The following MTOR variants were observed in gnomAD, a reference collection of about 807,000 sequenced individuals.
The protein encoded by MTOR is serine/threonine-protein kinase mTOR.
A neutral mutation model predicts 319.8 loss-of-function variants in MTOR; 70 were observed. That is an observed-to-expected ratio of 0.22 (90% confidence interval 0.18 to 0.27). The LOEUF (loss-of-function observed/expected upper bound fraction) is 0.27. Among genes scored for constraint, MTOR ranks in the 10% least tolerant of loss-of-function variants. The pLI, the probability that MTOR is intolerant of heterozygous loss-of-function variation, is 1.00. For synonymous variants in MTOR, 1,183 were observed against 1,211.4 expected (o/e 0.98, Z 0.49); for missense variants, 1,890 against 3,274.4 (o/e 0.58, Z 10.32).
intron 19 of MTOR, among the ~76,000 whole-genome samples, chr1:11,216,891 G>A (rs547847965): frequency 7.2e-5 from 11 of 152,252 alleles, no homozygotes; most frequent in South Asian, 6.2e-4. Flanking sequence ...GAACAGGGAC[G>A]TGAATACTAT....
At chr1:11,130,400 G>A in intron 39 of MTOR, 129 bp downstream of exon 39, 1 of 1,397,144 alleles carries the variant, frequency 7.2e-7, no homozygotes, top group Non-Finnish European at 9.7e-7. Context: ...TGGTAGATAG[G>A]CAGTATTTTC....
At chr1:11,165,367 CCTT>C (rs1458916864) in intron 29 of MTOR, among the ~76,000 whole-genome samples, 3 of 152,166 alleles carry the variant, frequency 2.0e-5, no homozygotes, top group Admixed American at 6.6e-5. Context: ...CCCAAAATCT[CCTT>C]AAGCTGATAA....
At position 11,122,078 on chromosome 1, in the gene MTOR, A is replaced by T. The variant is rs2100363069; in HGVS notation, c.6711T>A (p.Ile2237=). The change falls in exon 48 of 58, where the codon ATT becomes ATA. Residue 2237 remains isoleucine, a synonymous_variant. Coordinates refer to ENST00000361445, the MANE Select transcript of MTOR (RefSeq NM_004958.4). ...GTGTGTCACAGTGGGGAACCCAGCC[A>T]ATGAGGCCCGAGTTGGTCGATAAAG... ...VIPLSTNSGL[I]GWVPHCDTLH... is the part of the protein sequence containing the mutation. 6.2e-7 allele frequency: 1 copy of T among 1,614,240 alleles called. No individual in the cohort carries two copies. Among genetic ancestry groups the T allele is most frequent in the Non-Finnish European group, 8.5e-7 (1 of 1,180,046 alleles).
chr1:11,238,283 G>T, intron 12 of MTOR, 119 bp downstream of exon 12: 2 of 1,117,978 alleles, frequency 1.8e-6, no homozygotes, highest in East Asian at 2.4e-5. Context: ...CAGAGAAATA[G>T]CTGAATATCA....
intron 11 of MTOR, among the ~76,000 whole-genome samples, chr1:11,239,954 A>C (rs1647783497): frequency 6.6e-6 from 1 of 152,048 alleles, no homozygotes; most frequent in Non-Finnish European, 1.5e-5. Context: ...ATAGACATGG[A>C]AACACCCAAA....
At chr1:11,261,504 A>G (rs1651133939) in intron 1 of MTOR, among the ~76,000 whole-genome samples, 1 of 151,946 alleles carries the variant, frequency 6.6e-6, no homozygotes, top group African/African-American at 2.4e-5. Context: ...TTAGTTCCTG[A>G]GCTCATTCCC....
In MTOR at chr1:11,209,457, C is replaced by A. The variant is rs761452325; in HGVS notation, c.3656G>T (p.Gly1219Val). 1 of 1,614,078 alleles carries A rather than the reference C, an allele frequency of 6.2e-7. No homozygotes were observed. The highest frequency in any genetic ancestry group is 8.5e-7 in the Non-Finnish European group (1 of 1,180,002). The change falls in exon 25 of 58, where the codon GGA (glycine) becomes GTA (valine). Residue 1219 changes from glycine (G) to valine (V), a missense_variant and splice_region_variant. Around this residue, in one of 15 missense-constraint regions of MTOR, gnomAD observed 115 missense variants for 105.7 expected, o/e 1.09. Transcript: ENST00000361445. Reference protein sequence around the residue: ...YDVLICRIVKGYTLADEEEDP... With the variant: ...YDVLICRIVKVYTLADEEEDP... ...CTCCTCTTCATCAGCAAGTGTGTAT[C>A]CCTACAACCAAAGATTTATAGGAAA...
At chr1:11,198,606 G>C (rs866099654) in intron 28 of MTOR, among the ~76,000 whole-genome samples, 2 of 152,300 alleles carry the variant, frequency 1.3e-5, no homozygotes, top group South Asian at 2.1e-4. Flanking sequence ...GATATTCTCT[G>C]ATAATCATTA....
chr1:11,205,340 T>C (rs2100767630), intron 25 of MTOR, among the ~76,000 whole-genome samples: 1 of 152,332 alleles, frequency 6.6e-6, no homozygotes, highest in East Asian at 1.9e-4. Flanking sequence ...GGGCAACAGC[T>C]ACACTTGACT....
At chr1:11,210,737 T>C in intron 24 of MTOR, 77 bp downstream of exon 24, 2 of 1,164,766 alleles carry the variant, frequency 1.7e-6, no homozygotes, top group Non-Finnish European at 2.5e-6. Context: ...CTACACAAAC[T>C]CCCATAGCCA....
At chr1:11,166,149 G>A (rs1440159301) in intron 29 of MTOR, among the ~76,000 whole-genome samples, 1 of 152,188 alleles carries the variant, frequency 6.6e-6, no homozygotes, top group African/African-American at 2.4e-5. Context: ...AACCCTAGAA[G>A]AAAACCTAGG....
intron 26 of MTOR, among the ~76,000 whole-genome samples, chr1:11,202,946 C>T (rs1304293898): frequency 1.3e-5 from 2 of 151,866 alleles, no homozygotes; most frequent in Non-Finnish European, 2.9e-5. Flanking sequence ...GGCGTGGTGG[C>T]TCACGCCTGT....
At chr1:11,198,377 T>C (rs530269851) in intron 28 of MTOR, among the ~76,000 whole-genome samples, 1 of 152,340 alleles carries the variant, frequency 6.6e-6, no homozygotes, top group Non-Finnish European at 1.5e-5. Context: ...TTAAAGGAAC[T>C]CTTTTAAATA....
At chr1:11,111,959 A>AAAAC (rs3841793) in intron 54 of MTOR, among the ~76,000 whole-genome samples, 138,965 of 150,522 alleles carry the variant, frequency 0.92, 64,259 homozygotes, top group Non-Finnish European at 0.96. Flanking sequence ...ATTTTACTCA[A>AAAAC]AAACAAACAA....
chr1:11,244,650 CA>C (rs1370523742), intron 8 of MTOR, among the ~76,000 whole-genome samples: 1 of 152,022 alleles, frequency 6.6e-6, no homozygotes, highest in African/African-American at 2.4e-5. Context: ...AACAAACAAA[CA>C]AAAAAACAGT....
rs777427872 is a variant in MTOR at position 11,121,228 on chromosome 1, C to G, written c.6933+18G>C. 1.2e-6 allele frequency: 2 copies of G among 1,612,002 alleles called. No individual in the cohort carries two copies. The highest frequency in any genetic ancestry group is 1.7e-6 in the Non-Finnish European group (2 of 1,179,894). Reference sequence around the variant, plus strand: ...GGGGTTCCAGGAGAGCGCAGGTCTGCAGGGCCCAGTGGCCTACCTCGGAGC... The same window carrying G: ...GGGGTTCCAGGAGAGCGCAGGTCTGGAGGGCCCAGTGGCCTACCTCGGAGC... On this transcript the variant is annotated intron_variant, in intron 49 of 57. Coordinates refer to ENST00000361445, the MANE Select transcript of MTOR (RefSeq NM_004958.4). This position sits in a 1 kb window ranked among gnomAD's most constrained non-coding sequence, Gnocchi z 4.9.
At chr1:11,151,171 C>T (rs1334436704) in intron 30 of MTOR, among the ~76,000 whole-genome samples, 1 of 152,132 alleles carries the variant, frequency 6.6e-6, no homozygotes, top group East Asian at 1.9e-4. Context: ...TCAATCCCTG[C>T]AGAAGGAATC....
intron 4 of MTOR, 53 bp downstream of exon 4, chr1:11,256,880 C>CA (rs1338811687): frequency 6.5e-7 from 1 of 1,543,158 alleles, no homozygotes; most frequent in East Asian, 2.3e-5. Flanking sequence ...AAGACCCCCC[C>CA]ATGACACCAT....
chr1:11,186,856 G>C (rs140030511), intron 28 of MTOR, among the ~76,000 whole-genome samples: 8 of 152,232 alleles, frequency 5.3e-5, no homozygotes, highest in South Asian at 4.2e-4. Context: ...AAAACTGGAG[G>C]GGGGGTGAGT....
Sources: gnomAD v4.1 joint callset for allele counts (sites outside exome capture counted in the v4.1 genomes callset) on GRCh38, gnomAD v4.1.1 for gene constraint, gnomAD v4.1.1 regional missense constraint, Gnocchi (gnomAD v3.1) non-coding constraint, MANE v1.5 for transcripts, NCBI Gene and HGNC (gene_info 2026-07-23, HGNC 2026-07-21) for gene names.